NUP160: variants seen among roughly 807,000 people sequenced by gnomAD.
The protein encoded by NUP160 is nucleoporin 160.
A neutral mutation model predicts 196.9 loss-of-function variants in NUP160; 94 were observed. That is an observed-to-expected ratio of 0.48 (90% CI 0.40 to 0.57). NUP160 has a LOEUF of 0.57. Among genes scored for constraint, NUP160 ranks in the 20% least tolerant of loss-of-function variants. The pLI, the probability that NUP160 is intolerant of heterozygous loss-of-function variation, is 0.00. For missense variants in NUP160, 1,638 were observed against 1,748.3 expected (o/e 0.94, Z 1.13); for synonymous variants, 605 against 619.7 (o/e 0.98, Z 0.35).
At chr11:47,779,218 A>G in intron 35 of NUP160, 24 bp from the exon 36 acceptor site, 12 of 1,432,082 alleles carry the variant, frequency 8.4e-6, no homozygotes, top group Non-Finnish European at 1.2e-5. Flanking sequence ...GAAGGAAAAC[A>G]TTACATAACA....
chr11:47,837,878 C>A (rs759348757), intron 4 of NUP160, among the ~76,000 whole-genome samples: 1 of 152,192 alleles, frequency 6.6e-6, no homozygotes, highest in South Asian at 2.1e-4. Context: ...TATTGCCACC[C>A]GGCAGAATCA....
At chr11:47,809,537 C>T (rs1350560089) in intron 17 of NUP160, among the ~76,000 whole-genome samples, 1 of 151,790 alleles carries the variant, frequency 6.6e-6, no homozygotes, top group Non-Finnish European at 1.5e-5. Context: ...TCACTTGAGG[C>T]CAGGAGTTCG....
rs558062249 is a variant in NUP160 at position 47,811,703 on chromosome 11, A to G, written c.2241+361T>C. Among the ~76,000 whole-genome samples the G allele has an allele frequency of 3.3e-5, 5 of 152,188 alleles. No homozygotes were observed. In the East Asian group the frequency reaches 9.7e-4, roughly 29 times the overall value. Reference sequence around the variant, plus strand: ...AATCTACTGTTAAGTTCCAGGGTACATGGGCAGGATGTGCAGGTTTGTTAC... The same window carrying G: ...AATCTACTGTTAAGTTCCAGGGTACGTGGGCAGGATGTGCAGGTTTGTTAC... On this transcript the variant is annotated intron_variant, in intron 17 of 35. Coordinates refer to ENST00000378460, the Ensembl canonical transcript of NUP160.
intron 17 of NUP160, among the ~76,000 whole-genome samples, chr11:47,811,405 A>T (rs1277268114): frequency 1.6e-4 from 24 of 151,630 alleles, no homozygotes. Flanking sequence ...GCTACTCAGG[A>T]GGCTGAGGCA....
chr11:47,820,839 C>T (rs939219970), intron 9 of NUP160, among the ~76,000 whole-genome samples: 11 of 152,074 alleles, frequency 7.2e-5, no homozygotes, highest in African/African-American at 9.7e-5. Flanking sequence ...CATGAGCCAC[C>T]GCACCTGGCC....
chr11:47,783,034 C>A, intron 34 of NUP160, 39 bp downstream of exon 34: 1 of 1,574,654 alleles, frequency 6.4e-7, no homozygotes, highest in South Asian at 1.1e-5. Context: ...AATCGTAAGT[C>A]AAACCATTGT....
chr11:47,821,180 T>C (rs1454563634), intron 9 of NUP160, among the ~76,000 whole-genome samples: 1 of 151,984 alleles, frequency 6.6e-6, no homozygotes, highest in Non-Finnish European at 1.5e-5. Context: ...AAATATGACA[T>C]TTTATCTTAG....
At chr11:47,796,173 A>C in intron 27 of NUP160, 1 of 280,744 alleles carries the variant, frequency 3.6e-6, no homozygotes, top group East Asian at 6.1e-5. Flanking sequence ...AAAAAAAAAA[A>C]GGAGCAGCTG....
rs558765717 is a variant in NUP160 at position 47,848,424 on chromosome 11, G to C, written c.-4C>G. On this transcript the variant is annotated 5_prime_UTR_variant, in exon 1 of 36. Coordinates refer to ENST00000378460, the Ensembl canonical transcript of NUP160. ...GAGCTGCGGACAGGTGAAGCATTCCGGGAGCAGAAAGGCGGCTCCGGCCCT... is the reference window on the plus strand; with the variant it reads ...GAGCTGCGGACAGGTGAAGCATTCCCGGAGCAGAAAGGCGGCTCCGGCCCT... 27 of 1,553,310 alleles carry C rather than the reference G, an allele frequency of 1.7e-5. No homozygotes were observed. In the Admixed American group the frequency reaches 2.9e-4, roughly 17 times the overall value.
intron 4 of NUP160, among the ~76,000 whole-genome samples, chr11:47,838,232 CCAAA>C (rs1852216081): frequency 6.6e-6 from 1 of 152,080 alleles, no homozygotes. Context: ...GCTGACAATA[CCAAA>C]CAAATGCCTT....
intron 7 of NUP160, among the ~76,000 whole-genome samples, chr11:47,829,456 C>T (rs554528801): frequency 2.6e-5 from 4 of 152,238 alleles, no homozygotes; most frequent in African/African-American, 7.2e-5. Context: ...CAGGCACGTG[C>T]CACCATGCCC....
At chr11:47,845,608 C>T (rs1852386699) in intron 2 of NUP160, among the ~76,000 whole-genome samples, 1 of 152,200 alleles carries the variant, frequency 6.6e-6, no homozygotes, top group Non-Finnish European at 1.5e-5. Context: ...TGTTGCCTAT[C>T]TTCCTCCATA....
chr11:47,804,183 GA>G (rs75867410), intron 21 of NUP160: 2,396 of 147,566 alleles, frequency 0.016, 26 homozygotes, highest in African/African-American at 0.035. Context: ...TCCGTTTCAG[GA>G]AAAAAAAAAA....
intron 20 of NUP160, 34 bp downstream of exon 20, chr11:47,806,119 A>C: frequency 6.2e-7 from 1 of 1,605,922 alleles, no homozygotes; most frequent in Non-Finnish European, 8.5e-7. Context: ...CGGCCAGAAG[A>C]GAGCTTTTCA....
At chr11:47,815,446 A>C in intron 13 of NUP160, 33 bp downstream of exon 13, 1 of 1,518,784 alleles carries the variant, frequency 6.6e-7, no homozygotes, top group South Asian at 1.3e-5. Context: ...GAACTGTCTC[A>C]AGAAGGTCTT....
intron 19 of NUP160, among the ~76,000 whole-genome samples, chr11:47,806,852 C>CACATAT (rs1428564239): frequency 9.2e-4 from 114 of 124,282 alleles, no homozygotes; most frequent in African/African-American, 3.0e-3. Flanking sequence ...CACACACACA[C>CACATAT]ATATATATAC....
intron 34 of NUP160, among the ~76,000 whole-genome samples, chr11:47,781,185 T>C (rs2097660599): frequency 6.6e-6 from 1 of 151,886 alleles, no homozygotes; most frequent in African/African-American, 2.4e-5. Flanking sequence ...ATCATGCCAC[T>C]GCACTCAAGC....
chr11:47,831,141 C>A (rs1234641172), intron 7 of NUP160, among the ~76,000 whole-genome samples: 1 of 151,384 alleles, frequency 6.6e-6, no homozygotes, highest in Admixed American at 6.6e-5. Flanking sequence ...CCAGCCTGGG[C>A]AACAGAGCAA....
intron 4 of NUP160, among the ~76,000 whole-genome samples, chr11:47,838,841 T>C (rs1852236038): frequency 6.6e-6 from 1 of 151,834 alleles, no homozygotes; most frequent in Non-Finnish European, 1.5e-5. Context: ...CTGTCTCTAC[T>C]AAAAATACAA....
Sources: gnomAD v4.1 joint callset for allele counts (sites outside exome capture counted in the v4.1 genomes callset) on GRCh38, gnomAD v4.1.1 for gene constraint, MANE v1.5 for transcripts, NCBI Gene and HGNC (gene_info 2026-07-23, HGNC 2026-07-21) for gene names.